DOCK4: variants seen among roughly 807,000 people sequenced by gnomAD.
DOCK4 encodes the protein dedicator of cytokinesis 4.
Under a neutral mutation model 268.1 loss-of-function variants are expected in DOCK4, and 97 were observed. The observed-to-expected ratio is 0.36, with a 90% CI of 0.31 to 0.43. The LOEUF (loss-of-function observed/expected upper bound fraction) is 0.43, where lower values mean the gene tolerates loss of function less well. DOCK4 is among the 20% of genes least tolerant of loss of function. The probability of loss-of-function intolerance (pLI) is 1.00; values close to 1 mark genes in which losing one functional copy is unlikely to be tolerated. For synonymous variants in DOCK4, 954 were observed against 887.2 expected, an observed-to-expected ratio of 1.08 and a Z score of -1.34; for missense variants, 2,145 against 2,455.7, an observed-to-expected ratio of 0.87 and a Z score of 2.67.
chr7:112,081,644 T>A (rs1403359111), intron 1 of DOCK4, among the ~76,000 whole-genome samples: 1 of 152,180 alleles, frequency 6.6e-6, no homozygotes, highest in Non-Finnish European at 1.5e-5. Context: ...TTATCTCAAA[T>A]GTTTTGTAGA....
chr7:112,009,062 A>AT (rs1252714599), intron 1 of DOCK4, among the ~76,000 whole-genome samples: 2 of 152,224 alleles, frequency 1.3e-5, no homozygotes, highest in Non-Finnish European at 2.9e-5. Flanking sequence ...ACAATAACAT[A>AT]TTCTTCCTCA....
chr7:111,899,547 A>G (rs2134407260), intron 15 of DOCK4, among the ~76,000 whole-genome samples: 1 of 152,328 alleles, frequency 6.6e-6, no homozygotes, highest in South Asian at 2.1e-4. Context: ...GGAAATAGAA[A>G]TACTGAGAAG....
In DOCK4 at chr7:112,202,802, A is replaced by G. The variant is rs534242716; in HGVS notation, c.37+3300T>C. ...ATGAAAACTTAAAAAATATATTATT[A>G]TTATTTGTCAAGGAAAATACATTTA... On this transcript the variant is annotated intron_variant, in intron 1 of 52. Coordinates refer to ENST00000428084, the MANE Select transcript of DOCK4 (RefSeq NM_001363540.2). Among the ~76,000 whole-genome samples, 14 of 152,180 alleles carry G rather than the reference A, an allele frequency of 9.2e-5. No individual in the cohort carries two copies. The East Asian group carries it at 2.3e-3, about 25-fold the overall frequency.
chr7:111,899,149 T>A (rs1228781526), intron 15 of DOCK4, among the ~76,000 whole-genome samples: 1 of 152,182 alleles, frequency 6.6e-6, no homozygotes, highest in African/African-American at 2.4e-5. Flanking sequence ...TTCAGATACA[T>A]CCACACAAGC....
chr7:112,189,081 G>A (rs1002466909), intron 1 of DOCK4, among the ~76,000 whole-genome samples: 3 of 152,116 alleles, frequency 2.0e-5, no homozygotes, highest in African/African-American at 7.2e-5. Flanking sequence ...CTATTCTAAT[G>A]AAAACAAAAA....
At chr7:112,021,587 G>A (rs940242950) in intron 1 of DOCK4, among the ~76,000 whole-genome samples, 6 of 152,176 alleles carry the variant, frequency 3.9e-5, no homozygotes, top group Non-Finnish European at 5.9e-5. Flanking sequence ...GCCACCAGCC[G>A]AAGCACAGTA....
intron 26 of DOCK4, among the ~76,000 whole-genome samples, chr7:111,830,369 T>C (rs1323304808): frequency 3.3e-5 from 5 of 152,078 alleles, no homozygotes; most frequent in Admixed American, 3.3e-4. Flanking sequence ...GAGGTTGCAG[T>C]GAGTCAAGAT....
intron 16 of DOCK4, among the ~76,000 whole-genome samples, chr7:111,880,147 G>A (rs1280989077): frequency 5.9e-5 from 9 of 152,162 alleles, no homozygotes; most frequent in East Asian, 1.9e-4. Flanking sequence ...ATCAAACTCC[G>A]AAAGGTCAAG....
intron 1 of DOCK4, among the ~76,000 whole-genome samples, chr7:112,176,186 G>C (rs1211928628): frequency 6.6e-6 from 1 of 152,204 alleles, no homozygotes; most frequent in Non-Finnish European, 1.5e-5. Context: ...GTGTGTGGAA[G>C]ACTGACCTTT....
intron 1 of DOCK4, among the ~76,000 whole-genome samples, chr7:112,035,388 T>G (rs1803663514): frequency 6.6e-6 from 1 of 151,972 alleles, no homozygotes; most frequent in African/African-American, 2.4e-5. Context: ...CCCAGAAACA[T>G]AAGAAGACTT....
rs1169490433 is a variant in DOCK4 at position 112,018,160 on chromosome 7, A to C, written c.38-14029T>G. Among the ~76,000 whole-genome samples, 873 of 139,096 alleles carry C rather than the reference A, an allele frequency of 6.3e-3. 49 individuals carry two copies. Among genetic ancestry groups the C allele is most frequent in the African/African-American group, 0.023 (839 of 36,274 alleles). The allele number at this position is 139,096 out of a possible 152,430, so 91.3% of individuals were successfully genotyped here. On this transcript the variant is annotated intron_variant, in intron 1 of 52. Transcript: ENST00000428084. The stretch of plus-strand genomic sequence containing the variant: ...CTCCAGCTCAAAAAAAAAAAAAAAA[A>C]AAAAAAAAAAAAAAAAAAAACACAG...
At chr7:112,063,428 T>C (rs1376700662) in intron 1 of DOCK4, among the ~76,000 whole-genome samples, 1 of 152,212 alleles carries the variant, frequency 6.6e-6, no homozygotes, top group Non-Finnish European at 1.5e-5. Flanking sequence ...ACATCATAGC[T>C]TAGCCTACCT....
At chr7:111,837,526 C>T (rs1476873272) in intron 25 of DOCK4, among the ~76,000 whole-genome samples, 1 of 152,080 alleles carries the variant, frequency 6.6e-6, no homozygotes, top group African/African-American at 2.4e-5. Flanking sequence ...TGATAAAGAG[C>T]TACTGGAACT....
At chr7:111,979,895 G>A (rs992766180) in intron 7 of DOCK4, among the ~76,000 whole-genome samples, 2 of 152,118 alleles carry the variant, frequency 1.3e-5, no homozygotes, top group Non-Finnish European at 2.9e-5. Context: ...GTCCCCAAGA[G>A]AGCTTTTAAA....
In DOCK4 at chr7:111,795,831, A is replaced by C. The variant is rs1186843546; in HGVS notation, c.3167-5226T>G. Among the ~76,000 whole-genome samples, 3 of 152,130 alleles carry C rather than the reference A, an allele frequency of 2.0e-5. No homozygotes were observed. The East Asian group carries it at 5.8e-4, about 29-fold the overall frequency. On this transcript the variant is annotated intron_variant, in intron 30 of 52. Transcript: ENST00000428084. ...CCTTCATAAGCCTGAATTCCCTTGG[A>C]ATTTCCATCCTCCTGGAAAAGGTAC...
At chr7:112,138,928 T>C (rs1014012356) in intron 1 of DOCK4, among the ~76,000 whole-genome samples, 1 of 152,172 alleles carries the variant, frequency 6.6e-6, no homozygotes, top group Non-Finnish European at 1.5e-5. Flanking sequence ...ATTTCAACTC[T>C]GCAGGTTGGC....
At chr7:112,184,698 A>C (rs1490833785) in intron 1 of DOCK4, among the ~76,000 whole-genome samples, 1 of 152,012 alleles carries the variant, frequency 6.6e-6, no homozygotes, top group African/African-American at 2.4e-5. Context: ...ACTGGTTCCC[A>C]GAAGTGTGAG....
chr7:111,813,496 G>A (rs1333334345), intron 27 of DOCK4, among the ~76,000 whole-genome samples: 1 of 152,160 alleles, frequency 6.6e-6, no homozygotes, highest in African/African-American at 2.4e-5. Flanking sequence ...TCAAGGTAAT[G>A]AAAAGGAAAC....
intron 38 of DOCK4, among the ~76,000 whole-genome samples, chr7:111,766,252 T>G (rs35158671): frequency 2.0e-5 from 3 of 152,194 alleles, no homozygotes; most frequent in Admixed American, 6.5e-5. Context: ...AAATTCCTTG[T>G]TGGGATATAA....
Sources: gnomAD v4.1 joint callset for allele counts (sites outside exome capture counted in the v4.1 genomes callset) on GRCh38, gnomAD v4.1.1 for gene constraint, MANE v1.5 for transcripts, NCBI Gene and HGNC (gene_info 2026-07-23, HGNC 2026-07-21) for gene names.